SMARCA5: variants seen among roughly 807,000 people sequenced by gnomAD.
The protein encoded by SMARCA5 is SWI/SNF-related matrix-associated actin-dependent regulator of chromatin subfamily A member 5.
In SMARCA5, 18 loss-of-function variants were observed where a neutral mutation model predicts 140.4. The ratio of observed to expected loss-of-function variants is 0.13; its 90% CI spans 0.09 to 0.19. SMARCA5 has a LOEUF of 0.19. SMARCA5 is among the 10% of genes least tolerant of loss of function. SMARCA5 has a pLI of 1.00. For synonymous variants in SMARCA5, 449 were observed against 419.6 expected (o/e 1.07, Z -0.86); for missense variants, 606 against 1,276.8 (o/e 0.47, Z 8.01).
In SMARCA5 at chr4:143,532,875, C is replaced by T. The variant is rs142504925; in HGVS notation, c.1159-1980C>T. 8.1e-4 allele frequency among the ~76,000 whole-genome samples: 124 copies of T among 152,210 alleles called. 1 individual carries two copies. The highest frequency in any genetic ancestry group is 2.7e-3 in the African/African-American group (112 of 41,534). On this transcript the variant is annotated intron_variant, in intron 9 of 23. Coordinates refer to ENST00000283131, the MANE Select transcript of SMARCA5 (RefSeq NM_003601.4). ...TAGCTGGACAATGCTAGAAGAGAACCGGTGGGGCTAAAGGTCTTCACTTAC... is the reference window on the plus strand; with the variant it reads ...TAGCTGGACAATGCTAGAAGAGAACTGGTGGGGCTAAAGGTCTTCACTTAC...
At chr4:143,535,249 T>TA (rs1389864122) in intron 10 of SMARCA5, among the ~76,000 whole-genome samples, 1 of 152,166 alleles carries the variant, frequency 6.6e-6, no homozygotes, top group Non-Finnish European at 1.5e-5. Context: ...TTGGGATTTT[T>TA]AAAAAGGAAA....
chr4:143,521,380 G>A (rs1274965753), intron 2 of SMARCA5, 49 bp from the exon 3 acceptor site: 37 of 1,404,918 alleles, frequency 2.6e-5, no homozygotes, highest in Non-Finnish European at 3.4e-5. Flanking sequence ...GATTTCTGAA[G>A]TTTTAATTGA....
At chr4:143,515,482 A>G (rs556232252) in intron 1 of SMARCA5, among the ~76,000 whole-genome samples, 1 of 152,248 alleles carries the variant, frequency 6.6e-6, no homozygotes, top group African/African-American at 2.4e-5. Context: ...CAAAGCAATT[A>G]TGTGTAAATG....
intron 1 of SMARCA5, among the ~76,000 whole-genome samples, chr4:143,515,863 CG>C (rs1736818591): frequency 6.6e-6 from 1 of 151,978 alleles, no homozygotes; most frequent in Non-Finnish European, 1.5e-5. Flanking sequence ...ACATATTTGG[CG>C]GTTCAATTTA....
intron 19 of SMARCA5, 54 bp from the exon 20 acceptor site, chr4:143,546,722 G>C: frequency 1.3e-6 from 2 of 1,534,982 alleles, no homozygotes; most frequent in Non-Finnish European, 1.8e-6. Flanking sequence ...CTAATAGCAT[G>C]TTTTCCAAGT....
rs971763461 is a variant in SMARCA5 at position 143,556,927 on chromosome 4, C to T, written c.*3743C>T. ...AGAAAAAGACTGAAATGATATGATTCTAAATGAAAAAAATGAAGAAGTGGA... is the reference window on the plus strand; with the variant it reads ...AGAAAAAGACTGAAATGATATGATTTTAAATGAAAAAAATGAAGAAGTGGA... On this transcript the variant is annotated 3_prime_UTR_variant, in exon 24 of 24. Transcript: ENST00000283131. The T allele has an allele frequency of 6.6e-6, 1 of 152,100 alleles. No homozygotes were observed. The highest frequency in any genetic ancestry group is 1.5e-5 in the Non-Finnish European group (1 of 68,006). The allele number at this position is 152,100 out of a possible 1,614,324, so 9.4% of individuals were successfully genotyped here. A position where few individuals can be genotyped will look rare whatever the true frequency, so the allele number is the denominator to read the frequency against.
chr4:143,513,975 T>C lies in SMARCA5; in HGVS notation c.51T>C (p.Pro17=). The stretch of plus-strand genomic sequence containing the variant: ...CACCCCCGCCTCCCGAGAGCGCGCC[T>C]TCCAAGCCCGCAGCCTCGATCGCCA... The part of the protein sequence containing the change: ...PPPPPPPESA[P]SKPAASIASG... The change falls in exon 1 of 24, where the codon CCT becomes CCC. Residue 17 remains proline (P), a synonymous_variant. Coordinates refer to ENST00000283131, the MANE Select transcript of SMARCA5 (RefSeq NM_003601.4). 6.4e-7 allele frequency: 1 copy of C among 1,559,498 alleles called. No individual in the cohort carries two copies.
chr4:143,531,682 C>T (rs1178313797), intron 9 of SMARCA5, among the ~76,000 whole-genome samples: 1 of 152,170 alleles, frequency 6.6e-6, no homozygotes, highest in Non-Finnish European at 1.5e-5. Flanking sequence ...ATGACCTAAC[C>T]TTTTTAACAT....
chr4:143,544,372 A>G (rs1342797993), intron 16 of SMARCA5: 1 of 176,888 alleles, frequency 5.7e-6, no homozygotes, highest in Non-Finnish European at 1.2e-5. Flanking sequence ...GAAGAAAAAA[A>G]TAATTCTACC....
intron 3 of SMARCA5, among the ~76,000 whole-genome samples, chr4:143,523,057 C>T (rs1736995310): frequency 6.6e-6 from 1 of 152,074 alleles, no homozygotes. Context: ...TTTATTGAGA[C>T]AGAGTCTTGC....
At chr4:143,540,053 G>C (rs571854753) in intron 13 of SMARCA5, among the ~76,000 whole-genome samples, 48 of 152,126 alleles carry the variant, frequency 3.2e-4, no homozygotes, top group Non-Finnish European at 4.4e-4. Context: ...TTCTTTGCCT[G>C]ATAGCAGTGA....
At position 143,544,733 on chromosome 4, in the gene SMARCA5, C is replaced by T. The variant is rs763875313; in HGVS notation, c.2173-4C>T. Reference sequence around the variant, plus strand: ...GGTGATTTGAGTTGTTTCCCATGTGCTAGATTGCATTCACAGAGTGGATTG... The same window carrying T: ...GGTGATTTGAGTTGTTTCCCATGTGTTAGATTGCATTCACAGAGTGGATTG... On this transcript the variant is annotated splice_region_variant and splice_polypyrimidine_tract_variant and intron_variant, in intron 16 of 23. Coordinates refer to ENST00000283131, the MANE Select transcript of SMARCA5 (RefSeq NM_003601.4). 5.2e-6 allele frequency: 8 copies of T among 1,549,470 alleles called. No individual in the cohort carries two copies. Among genetic ancestry groups the T allele is most frequent in the Non-Finnish European group, 7.1e-6 (8 of 1,127,430 alleles).
At chr4:143,535,068 G>C in intron 10 of SMARCA5, 104 bp downstream of exon 10, 1 of 752,290 alleles carries the variant, frequency 1.3e-6, no homozygotes, top group Non-Finnish European at 2.1e-6. Context: ...CAATTTGCTG[G>C]ATTGAACTCA....
chr4:143,543,543 G>T lies in SMARCA5; in HGVS notation c.1938G>T (p.Gly646=). ...TGGATCAGAATCTGAACAAAATTGG[G>T]AAAGATGAAATGCTTCAAATGATTA... ...RLVDQNLNKI[G]KDEMLQMIRH... The change falls in exon 15 of 24, where the codon GGG becomes GGT. Residue 646 remains glycine, a synonymous_variant. Transcript: ENST00000283131. 4.3e-6 allele frequency: 7 copies of T among 1,613,224 alleles called. No individual in the cohort carries two copies. The highest frequency in any genetic ancestry group is 5.9e-6 in the Non-Finnish European group (7 of 1,179,576).
intron 8 of SMARCA5, among the ~76,000 whole-genome samples, chr4:143,528,974 A>G (rs1737128090): frequency 6.6e-6 from 1 of 151,764 alleles, no homozygotes; most frequent in African/African-American, 2.4e-5. Flanking sequence ...TCACTCTGTC[A>G]CCTATGCTGA....
In SMARCA5 at chr4:143,521,566, T is replaced by C; in HGVS notation, c.390T>C (p.Asp130=). ...CAGGGCGCCCACGAATAAAAAAAGATGAGAAGCAGAACTTACTATCCGTTG... is the reference window on the plus strand; with the variant it reads ...CAGGGCGCCCACGAATAAAAAAAGACGAGAAGCAGAACTTACTATCCGTTG... ...MKPGRPRIKK[D]EKQNLLSVGD... The change falls in exon 3 of 24, where the codon GAT becomes GAC. Residue 130 remains aspartate, a synonymous_variant. Coordinates refer to ENST00000283131, the MANE Select transcript of SMARCA5 (RefSeq NM_003601.4). The C allele has an allele frequency of 6.2e-7, 1 of 1,613,510 alleles. No individual in the cohort carries two copies. The highest frequency in any genetic ancestry group is 8.5e-7 in the Non-Finnish European group (1 of 1,179,758).
chr4:143,537,115 TG>T (rs1488327122), intron 11 of SMARCA5, among the ~76,000 whole-genome samples: 2 of 152,220 alleles, frequency 1.3e-5, no homozygotes, highest in African/African-American at 4.8e-5. Context: ...ATTTGTAGTA[TG>T]CTGACTTTTT....
rs1175757986 is a variant in SMARCA5 at position 143,554,195 on chromosome 4, C to G, written c.*1011C>G. The G allele has an allele frequency of 1.3e-5, 2 of 151,996 alleles. No homozygotes were observed. Among genetic ancestry groups the G allele is most frequent in the African/African-American group, 4.8e-5 (2 of 41,404 alleles). The allele number at this position is 151,996 out of a possible 1,614,324, so 9.4% of individuals were successfully genotyped here. ...ACCTGATAAACTGGAGACCCTAAAG[C>G]AGGAATACCCAAATTATAGTGTCAG... On this transcript the variant is annotated 3_prime_UTR_variant, in exon 24 of 24. Coordinates refer to ENST00000283131, the MANE Select transcript of SMARCA5 (RefSeq NM_003601.4).
At chr4:143,552,830 A>G (rs1441819949) in intron 23 of SMARCA5, among the ~76,000 whole-genome samples, 2 of 151,978 alleles carry the variant, frequency 1.3e-5, no homozygotes, top group Admixed American at 6.6e-5. Flanking sequence ...GTTTCTTACT[A>G]TTTTGGGAAG....
Sources: allele counts gnomAD v4.1 joint callset (sites outside exome capture counted in the v4.1 genomes callset), GRCh38; gene constraint gnomAD v4.1.1; transcripts MANE v1.5; gene names NCBI Gene and HGNC (gene_info 2026-07-23, HGNC 2026-07-21).